The following DIP2B variants were observed in gnomAD, a reference collection of about 807,000 sequenced individuals.
DIP2B encodes the protein DIP2 acetate--CoA ligase B (putative), also known as disco-interacting protein 2 homolog B.
DIP2B carries 76 observed loss-of-function variants against 198.0 expected under a neutral mutation model. That is an observed-to-expected ratio of 0.38 (90% CI 0.32 to 0.46). The LOEUF is 0.46. Among genes scored for constraint, DIP2B ranks in the 20% least tolerant of loss-of-function variants. The probability of loss-of-function intolerance (pLI) is 0.99; values close to 1 mark genes in which losing one functional copy is unlikely to be tolerated. For synonymous variants in DIP2B, 701 were observed against 739.1 expected, an observed-to-expected ratio of 0.95 and a Z score of 0.84; for missense variants, 1,559 against 1,978.4, an observed-to-expected ratio of 0.79 and a Z score of 4.02.
intron 22 of DIP2B, among the ~76,000 whole-genome samples, chr12:50,713,276 G>T (rs1024077225): frequency 3.3e-5 from 5 of 152,164 alleles, no homozygotes; most frequent in Admixed American, 1.3e-4. Flanking sequence ...GTTAGCACCA[G>T]AATGTGGGTA....
chr12:50,599,654 C>T (rs1361652528), intron 1 of DIP2B, among the ~76,000 whole-genome samples: 3 of 152,164 alleles, frequency 2.0e-5, no homozygotes, highest in African/African-American at 7.2e-5. Context: ...AACTCTTGAA[C>T]ACTGCAATTG....
intron 1 of DIP2B, among the ~76,000 whole-genome samples, chr12:50,568,949 A>ATT (rs199552190): frequency 6.9e-6 from 1 of 145,808 alleles, no homozygotes; most frequent in Non-Finnish European, 1.5e-5. Context: ...TTTATTCATC[A>ATT]TTTTTTTTTT....
chr12:50,543,442 A>G (rs1958344807), intron 1 of DIP2B, among the ~76,000 whole-genome samples: 1 of 151,864 alleles, frequency 6.6e-6, no homozygotes, highest in South Asian at 2.1e-4. Flanking sequence ...GCCACCCGCC[A>G]TCACGCCAGC....
chr12:50,577,548 TAAAA>T (rs569188099), intron 1 of DIP2B, among the ~76,000 whole-genome samples: 1,797 of 150,636 alleles, frequency 0.012, 44 homozygotes, highest in African/African-American at 0.041. Flanking sequence ...ATAAAAAAAA[TAAAA>T]AAAAGTAAAA....
chr12:50,660,090 CTTTT>C, intron 3 of DIP2B, 100 bp from the exon 4 acceptor site: 6 of 924,736 alleles, frequency 6.5e-6, no homozygotes, highest in South Asian at 3.7e-5. Context: ...TCCCCTTTAC[CTTTT>C]TTTTTTTTTT....
intron 12 of DIP2B, among the ~76,000 whole-genome samples, chr12:50,687,328 CA>C (rs1207250539): frequency 4.6e-5 from 7 of 152,176 alleles, no homozygotes; most frequent in Non-Finnish European, 7.4e-5. Flanking sequence ...GCAAAGGCCA[CA>C]TGACTCAAAA....
chr12:50,613,042 A>G (rs1401442650), intron 1 of DIP2B, among the ~76,000 whole-genome samples: 1 of 152,128 alleles, frequency 6.6e-6, no homozygotes, highest in Non-Finnish European at 1.5e-5. Context: ...TGTAGTGGCA[A>G]CTCTGAATAT....
intron 1 of DIP2B, among the ~76,000 whole-genome samples, chr12:50,507,914 CTT>C (rs5798141): frequency 6.7e-6 from 1 of 148,668 alleles, no homozygotes; most frequent in Admixed American, 6.7e-5. Context: ...TTCTTTCTCT[CTT>C]TTTTTTTTTA....
At chr12:50,576,727 C>T (rs910019118) in intron 1 of DIP2B, among the ~76,000 whole-genome samples, 6 of 146,506 alleles carry the variant, frequency 4.1e-5, no homozygotes, top group East Asian at 2.0e-4. Flanking sequence ...ATGATCTGCC[C>T]GCCTCGGCCT....
intron 4 of DIP2B, among the ~76,000 whole-genome samples, chr12:50,660,950 C>A (rs775265072): frequency 3.3e-5 from 5 of 152,050 alleles, no homozygotes; most frequent in Non-Finnish European, 5.9e-5. Context: ...TCATCCCATC[C>A]CTGTTCACCA....
At chr12:50,526,947 G>A (rs1958172077) in intron 1 of DIP2B, among the ~76,000 whole-genome samples, 1 of 151,980 alleles carries the variant, frequency 6.6e-6, no homozygotes, top group African/African-American at 2.4e-5. Flanking sequence ...TTTTTCCTCT[G>A]TCTTAACCAA....
chr12:50,521,489 CTTTTT>C (rs35971707), intron 1 of DIP2B, among the ~76,000 whole-genome samples: 1 of 98,242 alleles, frequency 1.0e-5, no homozygotes, highest in Admixed American at 1.2e-4. Flanking sequence ...AGGTTTCTTT[CTTTTT>C]TTTTTTTTTT....
intron 23 of DIP2B, 31 bp from the exon 24 acceptor site, chr12:50,718,678 C>G: frequency 6.3e-7 from 1 of 1,591,700 alleles, no homozygotes; most frequent in Non-Finnish European, 8.6e-7. Context: ...ATCGCCATCT[C>G]CAGTGAGTTG....
At chr12:50,579,638 AAAAAAAAT>A (rs1958699968) in intron 1 of DIP2B, among the ~76,000 whole-genome samples, 1 of 25,912 alleles carries the variant, frequency 3.9e-5, no homozygotes, top group African/African-American at 1.8e-4. Flanking sequence ...AAAAAAAAAA[AAAAAAAAT>A]ATATATATAT....
intron 20 of DIP2B, among the ~76,000 whole-genome samples, chr12:50,705,980 A>G (rs1223739671): frequency 1.3e-5 from 2 of 152,234 alleles, no homozygotes; most frequent in African/African-American, 4.8e-5. Context: ...TGGGGATTTC[A>G]TAGTAGTTCC....
At chr12:50,529,204 A>G (rs1958193874) in intron 1 of DIP2B, among the ~76,000 whole-genome samples, 1 of 152,156 alleles carries the variant, frequency 6.6e-6, no homozygotes, top group African/African-American at 2.4e-5. Flanking sequence ...AGGTGGGAAG[A>G]TACCTGAACT....
At chr12:50,569,537 A>C (rs1180821021) in intron 1 of DIP2B, among the ~76,000 whole-genome samples, 1 of 152,152 alleles carries the variant, frequency 6.6e-6, no homozygotes, top group Non-Finnish European at 1.5e-5. Context: ...GCCTTGTCAC[A>C]GTTAATTCCA....
intron 1 of DIP2B, among the ~76,000 whole-genome samples, chr12:50,538,230 G>A (rs1360787669): frequency 1.3e-5 from 2 of 152,096 alleles, no homozygotes; most frequent in Non-Finnish European, 1.5e-5. Flanking sequence ...AAGAAGAAGA[G>A]GATGAGTGAA....
intron 1 of DIP2B, among the ~76,000 whole-genome samples, chr12:50,568,683 T>C (rs1437318609): frequency 6.6e-6 from 1 of 152,208 alleles, no homozygotes; most frequent in Non-Finnish European, 1.5e-5. Context: ...TTATTTACTC[T>C]TCTTCTTCCT....
Sources: allele counts gnomAD v4.1 joint callset (sites outside exome capture counted in the v4.1 genomes callset), GRCh38; gene constraint gnomAD v4.1.1; transcripts MANE v1.5; gene names NCBI Gene and HGNC (gene_info 2026-07-23, HGNC 2026-07-21).